Variants in GRM7 observed in about 807,000 individuals in gnomAD.
The protein encoded by GRM7 is metabotropic glutamate receptor 7.
In GRM7, 35 loss-of-function variants were observed where a neutral mutation model predicts 84.5. The observed-to-expected ratio is 0.41, with a 90% CI of 0.32 to 0.55. GRM7 has a LOEUF of 0.55. GRM7 is among the 20% of genes least tolerant of loss of function. The pLI is 0.19. For missense variants in GRM7, 1,003 were observed against 1,194.6 expected, an observed-to-expected ratio of 0.84 and a Z score of 2.36; for synonymous variants, 487 against 455.1, an observed-to-expected ratio of 1.07 and a Z score of -0.89.
chr3:7,159,725 G>A (rs1694564680), intron 2 of GRM7, among the ~76,000 whole-genome samples: 2 of 152,122 alleles, frequency 1.3e-5, no homozygotes, highest in South Asian at 4.1e-4. Flanking sequence ...CTCTTGAATA[G>A]TGATGCCTAT....
In GRM7 at chr3:6,861,619, C is replaced by G. The variant is rs554674435; in HGVS notation, c.231C>G (p.His77Gln). The G allele has an allele frequency of 6.2e-7, 1 of 1,612,964 alleles. No individual in the cohort carries two copies. Among genetic ancestry groups the G allele is most frequent in the Non-Finnish European group, 8.5e-7 (1 of 1,179,594 alleles). The change falls in exon 1 of 10, where the codon CAC (histidine) becomes CAG (glutamine). Residue 77 changes from histidine (H) to glutamine (Q), a missense_variant. Physicochemically the swap from His to Gln is conservative, Grantham distance 24 (BLOSUM62 0). Transcript: ENST00000357716. The surrounding 1 kb of genome is among the most constrained non-coding windows in gnomAD (Gnocchi z 6.4). ...CGDIKRENGI[H>Q]RLEAMLYALD... is the part of the protein sequence containing the mutation. ...ACATCAAGAGGGAAAACGGGATCCA[C>G]AGGCTGGAAGCGATGCTCTACGCCC...
intron 4 of GRM7, among the ~76,000 whole-genome samples, chr3:7,360,235 G>A (rs967027411): frequency 2.8e-5 from 4 of 144,934 alleles, no homozygotes; most frequent in African/African-American, 1.1e-4. Context: ...ACCTAAATTT[G>A]TTTATTCGCA....
intron 1 of GRM7, among the ~76,000 whole-genome samples, chr3:7,049,241 T>C (rs565981031): frequency 1.4e-4 from 22 of 152,056 alleles, no homozygotes; most frequent in African/African-American, 4.6e-4. Flanking sequence ...ATGCTGCTGA[T>C]AAATACCCAA....
intron 2 of GRM7, among the ~76,000 whole-genome samples, chr3:7,153,334 C>G (rs1036602355): frequency 1.3e-5 from 2 of 152,024 alleles, no homozygotes; most frequent in Non-Finnish European, 2.9e-5. Context: ...CCAGGGTTGT[C>G]TCTTTATGAG....
At chr3:7,737,710 T>C (rs997892169) in intron 9 of GRM7, among the ~76,000 whole-genome samples, 8 of 152,214 alleles carry the variant, frequency 5.3e-5, no homozygotes, top group African/African-American at 1.7e-4. Flanking sequence ...AAAGAAAGCA[T>C]GTACTAAGCC....
chr3:7,624,758 G>T (rs1697527532), intron 8 of GRM7, among the ~76,000 whole-genome samples: 1 of 152,116 alleles, frequency 6.6e-6, no homozygotes, highest in Non-Finnish European at 1.5e-5. Context: ...TTTACTGTAG[G>T]TGAGCTTAGT....
At chr3:7,434,974 A>T (rs1696982783) in intron 5 of GRM7, among the ~76,000 whole-genome samples, 1 of 152,198 alleles carries the variant, frequency 6.6e-6, no homozygotes, top group Admixed American at 6.5e-5. Flanking sequence ...AATTTATTTA[A>T]CATATACAAG....
At chr3:7,650,054 G>C (rs750652157) in intron 8 of GRM7, among the ~76,000 whole-genome samples, 1 of 152,110 alleles carries the variant, frequency 6.6e-6, no homozygotes, top group Non-Finnish European at 1.5e-5. Context: ...ATTTGTATTT[G>C]AATGCTTGTG....
At chr3:7,708,127 A>T (rs1339419106) in intron 9 of GRM7, among the ~76,000 whole-genome samples, 2 of 151,348 alleles carry the variant, frequency 1.3e-5, no homozygotes, top group African/African-American at 4.8e-5. Context: ...GCCTCTCCAA[A>T]TCTTTTTTTT....
intron 5 of GRM7, among the ~76,000 whole-genome samples, chr3:7,428,731 C>T (rs1429502749): frequency 6.6e-6 from 1 of 152,098 alleles, no homozygotes; most frequent in Non-Finnish European, 1.5e-5. Flanking sequence ...AATGCTAGCA[C>T]AGGCAGAACC....
At chr3:6,864,173 A>C (rs1694862828) in intron 1 of GRM7, among the ~76,000 whole-genome samples, 1 of 152,170 alleles carries the variant, frequency 6.6e-6, no homozygotes, top group Admixed American at 6.5e-5. Context: ...TGTTGGATTG[A>C]ATAGCTGAGG....
chr3:7,641,766 C>G (rs1194865988), intron 8 of GRM7, among the ~76,000 whole-genome samples: 1 of 152,126 alleles, frequency 6.6e-6, no homozygotes, highest in Non-Finnish European at 1.5e-5. Context: ...ACAAACAAAA[C>G]AAAAACAGGG....
intron 4 of GRM7, among the ~76,000 whole-genome samples, chr3:7,353,477 G>A (rs1038427983): frequency 3.3e-5 from 5 of 152,020 alleles, no homozygotes; most frequent in Admixed American, 2.0e-4. Flanking sequence ...CAGAAACATG[G>A]ATCAAAAGAT....
intron 9 of GRM7, among the ~76,000 whole-genome samples, chr3:7,713,775 G>T (rs1001277224): frequency 7.0e-6 from 1 of 142,662 alleles, no homozygotes; most frequent in Non-Finnish European, 1.5e-5. Flanking sequence ...GCTCTCAATT[G>T]GAAGAGCCAC....
At chr3:7,199,238 T>C (rs1169570262) in intron 2 of GRM7, among the ~76,000 whole-genome samples, 1 of 152,176 alleles carries the variant, frequency 6.6e-6, no homozygotes, top group African/African-American at 2.4e-5. Context: ...CACCATGCCA[T>C]AAAGAACCTT....
At chr3:7,082,108 A>G (rs570945861) in intron 1 of GRM7, among the ~76,000 whole-genome samples, 2 of 152,268 alleles carry the variant, frequency 1.3e-5, no homozygotes, top group African/African-American at 4.8e-5. Context: ...CATATTTTCA[A>G]TGCAGATAAA....
At chr3:6,980,377 G>A (rs1694155483) in intron 1 of GRM7, among the ~76,000 whole-genome samples, 1 of 152,096 alleles carries the variant, frequency 6.6e-6, no homozygotes, top group African/African-American at 2.4e-5. Flanking sequence ...TTGGGAGAAG[G>A]TGGTAATGGA....
intron 7 of GRM7, among the ~76,000 whole-genome samples, chr3:7,518,684 G>T (rs1453693062): frequency 1.3e-5 from 2 of 152,172 alleles, no homozygotes; most frequent in Non-Finnish European, 2.9e-5. Flanking sequence ...AGCACCAGCT[G>T]ATCATACTCT....
chr3:7,021,649 A>G (rs1695780406), intron 1 of GRM7, among the ~76,000 whole-genome samples: 1 of 152,198 alleles, frequency 6.6e-6, no homozygotes, highest in East Asian at 1.9e-4. Context: ...ATTAAGACAA[A>G]GTAGTTTTTA....
Sources: gnomAD v4.1 joint callset for allele counts (sites outside exome capture counted in the v4.1 genomes callset) on GRCh38, gnomAD v4.1.1 for gene constraint, Gnocchi (gnomAD v3.1) non-coding constraint, MANE v1.5 for transcripts, NCBI Gene and HGNC (gene_info 2026-07-23, HGNC 2026-07-21) for gene names.